Variants in UGGT1 observed in about 807,000 individuals in gnomAD.
UGGT1 encodes UDP-glucose glycoprotein glucosyltransferase 1, also known as UDP-glucose:glycoprotein glucosyltransferase 1.
Under a neutral mutation model 203.9 loss-of-function variants are expected in UGGT1, and 107 were observed. That is an observed-to-expected ratio of 0.52 (90% CI 0.45 to 0.62). The LOEUF (loss-of-function observed/expected upper bound fraction) is 0.62. Ranked by LOEUF, UGGT1 falls within the 20% of genes least tolerant of loss-of-function variation. UGGT1 has a pLI of 0.00. For synonymous variants in UGGT1, 628 were observed against 653.5 expected, an observed-to-expected ratio of 0.96 and a Z score of 0.59; for missense variants, 1,673 against 1,867.2, an observed-to-expected ratio of 0.90 and a Z score of 1.92.
At chr2:128,102,900 A>C (rs1023893249) in intron 2 of UGGT1, among the ~76,000 whole-genome samples, 1 of 152,202 alleles carries the variant, frequency 6.6e-6, no homozygotes, top group Non-Finnish European at 1.5e-5. Context: ...ACTATAAGCT[A>C]TGCCAAGCTT....
intron 2 of UGGT1, among the ~76,000 whole-genome samples, chr2:128,099,582 T>G (rs1025270832): frequency 6.6e-6 from 1 of 152,148 alleles, no homozygotes; most frequent in Non-Finnish European, 1.5e-5. Context: ...AAAGGACCAG[T>G]GGGAGGGGGC....
intron 13 of UGGT1, 79 bp downstream of exon 13, chr2:128,129,258 G>A: frequency 1.4e-6 from 2 of 1,471,156 alleles, no homozygotes; most frequent in South Asian, 1.4e-5. Context: ...CTCTTATGAG[G>A]GTGAAGTTAC....
Position 128,108,147 on chromosome 2 carries a change from T to G in UGGT1, c.408+79T>G, listed in dbSNP as rs566245157. The G allele has an allele frequency of 7.5e-5, 114 of 1,510,068 alleles. No individual in the cohort carries two copies. The African/African-American group carries it at 1.5e-3, about 19-fold the overall frequency. 93.5% of individuals were successfully genotyped at this position (1,510,068 alleles called of 1,614,324 possible). A position where few individuals can be genotyped will look rare whatever the true frequency, so the allele number is the denominator to read the frequency against. ...GGATGGACCCCAGTTGTCCTGGAAT[T>G]GAATTACAGAGCTATTATCACTTTT... On this transcript the variant is annotated intron_variant, in intron 4 of 40. Coordinates refer to ENST00000259253, the MANE Select transcript of UGGT1 (RefSeq NM_020120.4).
intron 18 of UGGT1, 64 bp from the exon 19 acceptor site, chr2:128,152,720 A>G (rs1284901314): frequency 9.6e-6 from 15 of 1,556,878 alleles, no homozygotes; most frequent in Non-Finnish European, 1.3e-5. Flanking sequence ...TTGGTTCCTA[A>G]TGAATTATTA....
chr2:128,093,514 T>C (rs1406965305), intron 1 of UGGT1, among the ~76,000 whole-genome samples: 1 of 151,980 alleles, frequency 6.6e-6, no homozygotes, highest in African/African-American at 2.4e-5. Flanking sequence ...GTTGGATTGC[T>C]TCGGTCCCAG....
At chr2:128,127,500 C>A in intron 12 of UGGT1, 48 bp downstream of exon 12, 4 of 1,309,548 alleles carry the variant, frequency 3.1e-6, no homozygotes, top group South Asian at 1.2e-5. Context: ...TAATGCGTAG[C>A]ACCTTGTAAC....
chr2:128,164,151 C>A (rs1690664333), intron 25 of UGGT1, among the ~76,000 whole-genome samples: 1 of 152,102 alleles, frequency 6.6e-6, no homozygotes, highest in South Asian at 2.1e-4. Context: ...TAGAGTGAGA[C>A]CCTGACTCAA....
chr2:128,181,375 A>G (rs969048711), intron 36 of UGGT1, among the ~76,000 whole-genome samples: 2 of 152,234 alleles, frequency 1.3e-5, no homozygotes, highest in African/African-American at 4.8e-5. Flanking sequence ...AGTGCTTGCC[A>G]TCATCTCTAA....
intron 38 of UGGT1, among the ~76,000 whole-genome samples, chr2:128,184,905 C>T (rs1691894218): frequency 6.6e-6 from 1 of 152,128 alleles, no homozygotes; most frequent in African/African-American, 2.4e-5. Flanking sequence ...TGGTCTCAAA[C>T]TCCTGACCTC....
rs1305658380 is a variant in UGGT1, at chr2:128,192,780, A to C, written c.*3038A>C. 1 of 152,088 alleles carries C rather than the reference A, an allele frequency of 6.6e-6. No individual in the cohort carries two copies. The highest frequency in any genetic ancestry group is 2.4e-5 in the African/African-American group (1 of 41,404). The allele number at this position is 152,088 out of a possible 1,614,324, so 9.4% of individuals were successfully genotyped here. On this transcript the variant is annotated 3_prime_UTR_variant, in exon 41 of 41. Coordinates refer to ENST00000259253, the MANE Select transcript of UGGT1 (RefSeq NM_020120.4). Reference sequence around the variant, plus strand: ...GTTTCTTTAAGAGTGGTAAAGTTGTACATCTGTCATTGTTGCATTTCGAAT... The same window carrying C: ...GTTTCTTTAAGAGTGGTAAAGTTGTCCATCTGTCATTGTTGCATTTCGAAT...
intron 15 of UGGT1, among the ~76,000 whole-genome samples, chr2:128,136,092 A>G (rs1689119136): frequency 6.6e-6 from 1 of 152,162 alleles, no homozygotes; most frequent in East Asian, 1.9e-4. Flanking sequence ...AGGTGAGAAG[A>G]AGGCACTTGA....
At chr2:128,166,436 C>A (rs1690793451) in intron 26 of UGGT1, among the ~76,000 whole-genome samples, 1 of 152,182 alleles carries the variant, frequency 6.6e-6, no homozygotes, top group Admixed American at 6.5e-5. Flanking sequence ...TGTTAGCTGA[C>A]CTCAGAAATG....
chr2:128,172,746 A>T lies in UGGT1; in HGVS notation c.3278A>T (p.Asn1093Ile), dbSNP rs145961367. 1.5e-5 allele frequency: 24 copies of T among 1,613,744 alleles called. No individual in the cohort carries two copies. The African/African-American group carries it at 1.9e-4, about 13-fold the overall frequency. The change falls in exon 29 of 41, where the codon AAT (asparagine) becomes ATT (isoleucine). Residue 1093 changes from asparagine (N) to isoleucine (I), a missense_variant. Physicochemically the swap from Asn to Ile is moderately radical, Grantham distance 149. Transcript: ENST00000259253. Reference protein sequence around the residue: ...ESVRTPYDLDNIYLEEVDSVV... With the variant: ...ESVRTPYDLDIIYLEEVDSVV... ...GTCAGAACACCATATGATCTTGATA[A>T]TATTTATTTAGAAGAGGTAAGACCA... is the stretch of plus-strand genomic sequence containing the variant.
chr2:128,133,252 C>G lies in UGGT1; in HGVS notation c.1489C>G (p.His497Asp). 1 of 1,613,468 alleles carries G rather than the reference C, an allele frequency of 6.2e-7. No homozygotes were observed. Among genetic ancestry groups the G allele is most frequent in the Non-Finnish European group, 8.5e-7 (1 of 1,179,644 alleles). ...TATTCGGCAGATCAGGAAAAACTTA[C>G]ATAATATGGTAAGTAAAACTTATTG... ...GVIRQIRKNL[H>D]NMVFIVDPAH... The change falls in exon 14 of 41, where the codon CAT becomes GAT. Residue 497 changes from histidine to aspartate, a missense_variant. Physicochemically the swap from His to Asp is moderately conservative, Grantham distance 81. Around this residue, in one of 4 missense-constraint regions of UGGT1, gnomAD observed 1,073 missense variants for 1,078.7 expected, o/e 0.99. Coordinates refer to ENST00000259253, the MANE Select transcript of UGGT1 (RefSeq NM_020120.4).
chr2:128,118,096 A>G (rs1688214571), intron 8 of UGGT1, among the ~76,000 whole-genome samples: 2 of 152,130 alleles, frequency 1.3e-5, no homozygotes. Context: ...AGATTTGGCC[A>G]AGTGAAATAA....
At chr2:128,101,733 C>T (rs567803528) in intron 2 of UGGT1, among the ~76,000 whole-genome samples, 9 of 152,206 alleles carry the variant, frequency 5.9e-5, no homozygotes, top group East Asian at 1.9e-4. Flanking sequence ...TGTGGGTTTG[C>T]GGACACGAGT....
chr2:128,187,805 A>G (rs545593081), intron 40 of UGGT1, among the ~76,000 whole-genome samples, 191 bp downstream of exon 40: 241 of 149,822 alleles, frequency 1.6e-3, no homozygotes, highest in Admixed American at 3.4e-3. Context: ...TATTAGTGCA[A>G]TTGCTATGTT....
intron 26 of UGGT1, among the ~76,000 whole-genome samples, chr2:128,166,034 C>T (rs922425442): frequency 1.3e-5 from 2 of 152,060 alleles, no homozygotes; most frequent in African/African-American, 2.4e-5. Context: ...GGTGCTTGGC[C>T]GAAAACTTTT....
At chr2:128,119,317 C>T (rs536703019) in intron 8 of UGGT1, among the ~76,000 whole-genome samples, 5 of 152,038 alleles carry the variant, frequency 3.3e-5, no homozygotes, top group African/African-American at 9.6e-5. Context: ...GTTAGCCGGG[C>T]GCGGTAGCTC....
Sources: gnomAD v4.1 joint callset for allele counts (sites outside exome capture counted in the v4.1 genomes callset) on GRCh38, gnomAD v4.1.1 for gene constraint, gnomAD v4.1.1 regional missense constraint, MANE v1.5 for transcripts, NCBI Gene and HGNC (gene_info 2026-07-23, HGNC 2026-07-21) for gene names.